ASAH2: variants seen among roughly 807,000 people sequenced by gnomAD.
ASAH2 encodes the protein N-acylsphingosine amidohydrolase 2.
In ASAH2, 58 loss-of-function variants were observed where a neutral mutation model predicts 82.9. That is an observed-to-expected ratio of 0.70 (90% CI 0.57 to 0.87). The LOEUF (loss-of-function observed/expected upper bound fraction) is 0.87. Among genes scored for constraint, ASAH2 ranks in the 40% least tolerant of loss-of-function variants. ASAH2 has a pLI of 0.00. For missense variants in ASAH2, 779 were observed against 834.0 expected (o/e 0.93, Z 0.81); for synonymous variants, 276 against 289.7 (o/e 0.95, Z 0.48).
At chr10:50,204,490 G>C (rs1478304071) in intron 14 of ASAH2, among the ~76,000 whole-genome samples, 2 of 151,804 alleles carry the variant, frequency 1.3e-5, no homozygotes, top group Non-Finnish European at 2.9e-5. Flanking sequence ...GAGATAGGAA[G>C]ACAACATATC....
chr10:50,202,156 G>A (rs1192060771), intron 16 of ASAH2, among the ~76,000 whole-genome samples: 2 of 152,190 alleles, frequency 1.3e-5, no homozygotes, highest in East Asian at 3.9e-4. Flanking sequence ...TCTACTCTTA[G>A]TATCACTGAA....
intron 3 of ASAH2, 141 bp from the exon 4 acceptor site, chr10:50,243,492 A>T: frequency 1.2e-6 from 1 of 862,206 alleles, no homozygotes; most frequent in Non-Finnish European, 1.7e-6. Flanking sequence ...GAGAGGATAT[A>T]TGTTTCAAAA....
At position 50,203,028 on chromosome 10, in the gene ASAH2, G is replaced by C. The variant is rs1420484457; in HGVS notation, c.1666-104C>G. 8 of 839,458 alleles carry C rather than the reference G, an allele frequency of 9.5e-6. No homozygotes were observed. The African/African-American group carries it at 1.0e-4, about 11-fold the overall frequency. 52.0% of individuals were successfully genotyped at this position (839,458 alleles called of 1,614,324 possible). The stretch of plus-strand genomic sequence containing the variant: ...AGCATTGATTACACTATTAGTTTAA[G>C]ATATTTTTCTTAATAAAATTTTTCT... On this transcript the variant is annotated intron_variant, in intron 15 of 20. Coordinates refer to ENST00000682911, the MANE Select transcript of ASAH2 (RefSeq NM_019893.4).
intron 9 of ASAH2, among the ~76,000 whole-genome samples, chr10:50,214,197 AG>A (rs1845537267): frequency 6.6e-6 from 1 of 152,182 alleles, no homozygotes; most frequent in East Asian, 1.9e-4. Context: ...AATACATAGG[AG>A]GAGGTATGAG....
intron 14 of ASAH2, among the ~76,000 whole-genome samples, chr10:50,204,575 C>G (rs974218119): frequency 3.3e-5 from 5 of 152,076 alleles, no homozygotes; most frequent in Admixed American, 2.0e-4. Flanking sequence ...TTTAATATGA[C>G]TGCAAATCTT....
intron 7 of ASAH2, among the ~76,000 whole-genome samples, chr10:50,224,252 C>A (rs1845821028): frequency 6.6e-6 from 1 of 151,888 alleles, no homozygotes; most frequent in Non-Finnish European, 1.5e-5. Context: ...TGGCTGATAC[C>A]AAGAATGGAA....
intron 7 of ASAH2, among the ~76,000 whole-genome samples, chr10:50,219,372 A>G (rs1049744279): frequency 1.3e-5 from 2 of 152,278 alleles, no homozygotes; most frequent in East Asian, 3.9e-4. Flanking sequence ...TGCATAGGTG[A>G]CCCAGAGAAG....
At chr10:50,240,473 C>T (rs201940528) in intron 4 of ASAH2, 451,393 of 701,918 alleles carry the variant, frequency 0.64, 156,119 homozygotes, top group Non-Finnish European at 0.75. Context: ...ATCAAACATC[C>T]CTACCTGCTT....
intron 7 of ASAH2, among the ~76,000 whole-genome samples, chr10:50,220,061 A>G (rs1000297572): frequency 6.0e-4 from 92 of 152,356 alleles, no homozygotes; most frequent in African/African-American, 2.0e-3. Context: ...ATACATTAAG[A>G]GACTTAAAAC....
At position 50,222,176 on chromosome 10, in the gene ASAH2, T is replaced by C. The variant is rs980939379; in HGVS notation, c.894-3546A>G. 1.6e-4 allele frequency among the ~76,000 whole-genome samples: 25 copies of C among 152,280 alleles called. No individual in the cohort carries two copies. The South Asian group carries it at 4.2e-3, about 25-fold the overall frequency. ...TTGTGTGAAGGATCGTAAAGAGGAA[T>C]CAGATGCATTTCCTACCATCAAGGA... On this transcript the variant is annotated intron_variant, in intron 7 of 20. Transcript: ENST00000682911.
intron 7 of ASAH2, among the ~76,000 whole-genome samples, chr10:50,221,815 C>G (rs974070583): frequency 6.6e-6 from 1 of 152,162 alleles, no homozygotes; most frequent in African/African-American, 2.4e-5. Context: ...TGCTCATTCA[C>G]TACACATTTG....
Position 50,243,379 on chromosome 10 carries a change from C to T in ASAH2, c.361-28G>A, listed in dbSNP as rs763944303. 1.8e-5 allele frequency: 29 copies of T among 1,608,900 alleles called. No individual in the cohort carries two copies. In the South Asian group the frequency reaches 3.1e-4, roughly 17 times the overall value. ...AAAGAGGAAGAGACAATCAGAGCTG[C>T]TCTGTCTCATTCCCCTGCTACTAGA... On this transcript the variant is annotated intron_variant, in intron 3 of 20. Transcript: ENST00000682911.
At chr10:50,193,231 T>A (rs1163348737) in intron 18 of ASAH2, among the ~76,000 whole-genome samples, 84 of 151,434 alleles carry the variant, frequency 5.5e-4, no homozygotes, top group African/African-American at 2.0e-3. Context: ...GACAGTGATA[T>A]TTGAGTGGCA....
chr10:50,242,279 G>C (rs1240572025), intron 4 of ASAH2, among the ~76,000 whole-genome samples: 1 of 152,146 alleles, frequency 6.6e-6, no homozygotes, highest in Non-Finnish European at 1.5e-5. Flanking sequence ...GATGAGGGAG[G>C]CTTCCGCTCT....
At chr10:50,210,952 T>A (rs1446478423) in intron 11 of ASAH2, 48 bp from the exon 12 acceptor site, 10 of 1,605,544 alleles carry the variant, frequency 6.2e-6, no homozygotes, top group Non-Finnish European at 6.8e-6. Flanking sequence ...AAGACAAAAG[T>A]TAAACTGAAA....
intron 7 of ASAH2, among the ~76,000 whole-genome samples, chr10:50,232,949 C>T (rs1846055957): frequency 6.6e-6 from 1 of 152,108 alleles, no homozygotes. Flanking sequence ...CAAGATCTCT[C>T]ATTTATCTTC....
Position 50,202,829 on chromosome 10 carries a change from C to A in ASAH2, c.1761G>T (p.Gln587His). ...AAATGATGAAAACGTTTTGCTTTAC[C>A]TGGTATTCTTCATAAGTGGTAATGT... The part of the protein sequence containing the change: ...THYITTYEEY[Q>H]AQRYEAASTI... The change falls in exon 16 of 21, where the codon CAG (glutamine) becomes CAT (histidine). Residue 587 changes from glutamine to histidine, a missense_variant and splice_region_variant. Physicochemically the swap from Gln to His is conservative, Grantham distance 24. Around this residue, in one of 3 missense-constraint regions of ASAH2, gnomAD observed 759 missense variants for 755.2 expected, o/e 1.00. Coordinates refer to ENST00000682911, the MANE Select transcript of ASAH2 (RefSeq NM_019893.4). The A allele has an allele frequency of 6.3e-7, 1 of 1,594,828 alleles. No homozygotes were observed. Among genetic ancestry groups the A allele is most frequent in the African/African-American group, 1.3e-5 (1 of 74,542 alleles).
intron 7 of ASAH2, among the ~76,000 whole-genome samples, chr10:50,229,327 A>G (rs1216180734): frequency 1.3e-5 from 2 of 152,184 alleles, no homozygotes; most frequent in Non-Finnish European, 2.9e-5. Flanking sequence ...CTGGAGAAAA[A>G]AAAACATTGA....
At position 50,248,600 on chromosome 10, in the gene ASAH2, C is replaced by T. The variant is rs376205298; in HGVS notation, c.11G>A (p.Arg4His). Residue 4 changes from arginine to histidine, a missense_variant, in exon 2 of 21, where the codon CGC becomes CAC. By Grantham distance (29) the Arg-to-His change is conservative. This residue lies in a region of ASAH2 where 759 missense variants were observed against 755.2 expected (regional missense o/e 1.00). Coordinates refer to ENST00000682911, the MANE Select transcript of ASAH2 (RefSeq NM_019893.4). ...GAATGTCTCCAAGTTAGAGAAGGTG[C>T]GTTTGGCCATTTCTTCTCAGGTACA... is the stretch of plus-strand genomic sequence containing the variant. The part of the protein sequence containing the change: MAK[R>H]TFSNLETFLI... 13 of 1,613,138 alleles carry T rather than the reference C, an allele frequency of 8.1e-6. No homozygotes were observed. The highest frequency in any genetic ancestry group is 1.6e-4 in the Middle Eastern group (1 of 6,082).
Sources: allele counts gnomAD v4.1 joint callset (sites outside exome capture counted in the v4.1 genomes callset), GRCh38; gene constraint gnomAD v4.1.1; regional missense constraint gnomAD v4.1.1; transcripts MANE v1.5; gene names NCBI Gene and HGNC (gene_info 2026-07-23, HGNC 2026-07-21).